The following GRID2 variants were observed in gnomAD, a reference collection of about 807,000 sequenced individuals.
GRID2 encodes the protein glutamate receptor ionotropic, delta-2.
In GRID2, 33 loss-of-function variants were observed where a neutral mutation model predicts 114.8. The observed-to-expected ratio is 0.29, with a 90% CI of 0.22 to 0.38. GRID2 has a LOEUF of 0.38. GRID2 is among the 10% of genes least tolerant of loss of function. GRID2 has a pLI of 1.00. For missense variants in GRID2, 1,184 were observed against 1,257.7 expected (o/e 0.94, Z 0.89); for synonymous variants, 505 against 449.9 (o/e 1.12, Z -1.55).
At chr4:92,370,416 C>A (rs956017396) in intron 1 of GRID2, among the ~76,000 whole-genome samples, 7 of 152,070 alleles carry the variant, frequency 4.6e-5, no homozygotes, top group African/African-American at 1.7e-4. Flanking sequence ...CTTTGGGAGG[C>A]TGAGGCGGGC....
chr4:93,693,213 A>G (rs951586841), intron 14 of GRID2, among the ~76,000 whole-genome samples: 1 of 152,192 alleles, frequency 6.6e-6, no homozygotes, highest in African/African-American at 2.4e-5. Context: ...ATTAGCTTCC[A>G]GAAGCAAAGG....
At chr4:93,703,877 T>C (rs1727751626) in intron 14 of GRID2, among the ~76,000 whole-genome samples, 1 of 152,162 alleles carries the variant, frequency 6.6e-6, no homozygotes, top group Non-Finnish European at 1.5e-5. Flanking sequence ...TCCCACATTT[T>C]CTTAATCCAG....
intron 2 of GRID2, among the ~76,000 whole-genome samples, chr4:92,969,497 C>T (rs1753363767): frequency 6.6e-6 from 1 of 151,662 alleles, no homozygotes; most frequent in African/African-American, 2.4e-5. Context: ...AAAATTCATT[C>T]TTCTAGATGG....
intron 2 of GRID2, among the ~76,000 whole-genome samples, chr4:92,666,879 A>G (rs548238435): frequency 1.3e-5 from 2 of 151,462 alleles, no homozygotes; most frequent in African/African-American, 4.8e-5. Context: ...TTGGAACAAT[A>G]AGGGGGAGAT....
At chr4:93,624,869 G>A (rs1742552654) in intron 13 of GRID2, among the ~76,000 whole-genome samples, 1 of 151,688 alleles carries the variant, frequency 6.6e-6, no homozygotes, top group South Asian at 2.1e-4. Flanking sequence ...TTACTGAGGG[G>A]AAAAAAAATA....
intron 4 of GRID2, among the ~76,000 whole-genome samples, chr4:93,117,057 A>G (rs1006462501): frequency 1.9e-4 from 29 of 152,296 alleles, no homozygotes; most frequent in African/African-American, 6.7e-4. Flanking sequence ...TATTCATTCT[A>G]ACTTCATCCT....
chr4:93,598,333 C>T (rs2149633939), intron 13 of GRID2, among the ~76,000 whole-genome samples: 1 of 152,242 alleles, frequency 6.6e-6, no homozygotes, highest in South Asian at 2.1e-4. Flanking sequence ...AGTCCACTGT[C>T]TCTTTCTTTT....
At chr4:92,654,576 T>C (rs950334327) in intron 2 of GRID2, among the ~76,000 whole-genome samples, 12 of 152,204 alleles carry the variant, frequency 7.9e-5, no homozygotes, top group African/African-American at 2.9e-4. Flanking sequence ...GTATCTGTTA[T>C]TGTTTGTTTA....
chr4:93,589,711 C>G (rs1450160901), intron 13 of GRID2, among the ~76,000 whole-genome samples: 1 of 152,116 alleles, frequency 6.6e-6, no homozygotes, highest in Non-Finnish European at 1.5e-5. Context: ...CTCTCCAGCA[C>G]CTGTCGTTTC....
chr4:93,752,866 A>G (rs1732443300), intron 14 of GRID2, among the ~76,000 whole-genome samples: 1 of 152,118 alleles, frequency 6.6e-6, no homozygotes, highest in Non-Finnish European at 1.5e-5. Flanking sequence ...GGTAAAATCC[A>G]TATTGTCCAT....
intron 1 of GRID2, among the ~76,000 whole-genome samples, chr4:92,367,443 A>G (rs1249719858): frequency 2.6e-5 from 4 of 152,026 alleles, no homozygotes; most frequent in Non-Finnish European, 5.9e-5. Context: ...ATTTCAGCTG[A>G]GAGTTTTAAG....
chr4:92,359,739 G>T (rs529004036), intron 1 of GRID2, among the ~76,000 whole-genome samples: 7 of 152,042 alleles, frequency 4.6e-5, no homozygotes, highest in African/African-American at 1.7e-4. Flanking sequence ...TGGCACACCT[G>T]CTCTGCTTGC....
At chr4:93,002,907 C>T (rs149648570) in intron 2 of GRID2, among the ~76,000 whole-genome samples, 426 of 151,814 alleles carry the variant, frequency 2.8e-3, no homozygotes, top group African/African-American at 9.8e-3. Context: ...GGTCACCTGC[C>T]TTCCTTGTTT....
intron 2 of GRID2, among the ~76,000 whole-genome samples, chr4:92,686,546 T>A (rs995215946): frequency 6.6e-6 from 1 of 152,060 alleles, no homozygotes; most frequent in African/African-American, 2.4e-5. Context: ...TCTGAGAATT[T>A]AATAAAACGC....
At chr4:93,166,964 G>T (rs1389160628) in intron 4 of GRID2, among the ~76,000 whole-genome samples, 1 of 152,124 alleles carries the variant, frequency 6.6e-6, no homozygotes, top group East Asian at 1.9e-4. Flanking sequence ...CAGGAGAGAG[G>T]CAGTGCATTG....
At chr4:92,442,741 C>CTTT (rs1733179903) in intron 1 of GRID2, among the ~76,000 whole-genome samples, 1 of 151,942 alleles carries the variant, frequency 6.6e-6, no homozygotes, top group South Asian at 2.1e-4. Flanking sequence ...TGCTGGCAAA[C>CTTT]AAGTCATGAA....
chr4:92,950,005 G>T (rs763133072), intron 2 of GRID2, among the ~76,000 whole-genome samples: 1 of 152,022 alleles, frequency 6.6e-6, no homozygotes. Context: ...TAGGGCAAAA[G>T]AAATACCTAT....
chr4:93,041,510 T>C (rs890047873), intron 2 of GRID2, among the ~76,000 whole-genome samples: 2 of 152,178 alleles, frequency 1.3e-5, no homozygotes, highest in African/African-American at 2.4e-5. Context: ...GAGTTGTAGT[T>C]AAACTCATAT....
intron 12 of GRID2, among the ~76,000 whole-genome samples, chr4:93,506,508 T>C (rs1488620853): frequency 6.6e-6 from 1 of 152,182 alleles, no homozygotes; most frequent in Non-Finnish European, 1.5e-5. Context: ...CAGAAGGACC[T>C]GAGGCTGTCT....
Sources: allele counts gnomAD v4.1 joint callset (sites outside exome capture counted in the v4.1 genomes callset), GRCh38; gene constraint gnomAD v4.1.1; transcripts MANE v1.5; gene names NCBI Gene and HGNC (gene_info 2026-07-23, HGNC 2026-07-21).